Variants in STX18 observed in about 807,000 individuals in gnomAD.
STX18 encodes the protein syntaxin 18, also known as syntaxin-18.
A neutral mutation model predicts 50.1 loss-of-function variants in STX18; 40 were observed. The ratio of observed to expected loss-of-function variants is 0.80; its 90% CI spans 0.62 to 1.04. The LOEUF is 1.04. Among genes scored for constraint, STX18 ranks in the 50% least tolerant of loss-of-function variants. The probability of loss-of-function intolerance (pLI) is 0.00; values close to 1 mark genes in which losing one functional copy is unlikely to be tolerated. For missense variants in STX18, 410 were observed against 415.8 expected, an observed-to-expected ratio of 0.99 and a Z score of 0.12; for synonymous variants, 158 against 151.8, an observed-to-expected ratio of 1.04 and a Z score of -0.30.
intron 1 of STX18, 91 bp from the exon 2 acceptor site, chr4:4,471,797 C>G (rs1727933860): frequency 1.1e-6 from 1 of 949,794 alleles, no homozygotes; most frequent in Admixed American, 3.2e-5. Context: ...ATGCAAATTG[C>G]AGAAAGATTC....
intron 1 of STX18, among the ~76,000 whole-genome samples, chr4:4,511,791 T>C (rs1330939272): frequency 6.8e-6 from 1 of 147,200 alleles, no homozygotes; most frequent in Non-Finnish European, 1.5e-5. Context: ...CTCTTAAGCA[T>C]AAACTAATTC....
chr4:4,460,785 T>C (rs1727335938), intron 2 of STX18, among the ~76,000 whole-genome samples: 2 of 152,104 alleles, frequency 1.3e-5, no homozygotes, highest in Admixed American at 6.5e-5. Context: ...CATGAGAGAA[T>C]GGACTCTGTC....
At chr4:4,535,277 A>G (rs1307287691) in intron 1 of STX18, among the ~76,000 whole-genome samples, 1 of 152,164 alleles carries the variant, frequency 6.6e-6, no homozygotes, top group Non-Finnish European at 1.5e-5. Flanking sequence ...TGTTTATTGG[A>G]TGATGGTATA....
intron 1 of STX18, among the ~76,000 whole-genome samples, chr4:4,511,917 G>C (rs534016798): frequency 6.6e-6 from 1 of 152,184 alleles, no homozygotes; most frequent in East Asian, 1.9e-4. Context: ...TTTTGGGCTG[G>C]ATAATACTTT....
intron 8 of STX18, among the ~76,000 whole-genome samples, chr4:4,424,292 C>G (rs1238011073): frequency 6.6e-6 from 1 of 152,132 alleles, no homozygotes; most frequent in Non-Finnish European, 1.5e-5. Context: ...AAAGCAGCGA[C>G]AGGAAGTGAC....
At chr4:4,454,551 G>C (rs571992276) in intron 5 of STX18, among the ~76,000 whole-genome samples, 1 of 152,304 alleles carries the variant, frequency 6.6e-6, no homozygotes, top group African/African-American at 2.4e-5. Context: ...GACAAATCAC[G>C]CATCATCAGA....
intron 1 of STX18, among the ~76,000 whole-genome samples, chr4:4,498,814 T>C (rs778133199): frequency 4.6e-5 from 7 of 152,202 alleles, no homozygotes; most frequent in Non-Finnish European, 5.9e-5. Flanking sequence ...GAGAAAGATG[T>C]GGACAACGAA....
chr4:4,459,062 G>GCGCACACACACACACACACACACACA (rs71638564), intron 3 of STX18, among the ~76,000 whole-genome samples: 1 of 144,282 alleles, frequency 6.9e-6, no homozygotes, highest in Non-Finnish European at 1.5e-5. Flanking sequence ...ACACACACAC[G>GCGCACACACACACACACACACACACA]CACACACACA....
chr4:4,436,725 C>T (rs538419616), intron 6 of STX18, among the ~76,000 whole-genome samples: 1 of 152,282 alleles, frequency 6.6e-6, no homozygotes, highest in Admixed American at 6.5e-5. Flanking sequence ...GCCACAGAGG[C>T]AAGTCCAGAC....
At chr4:4,518,592 C>T (rs1447137849) in intron 1 of STX18, among the ~76,000 whole-genome samples, 4 of 152,150 alleles carry the variant, frequency 2.6e-5, no homozygotes, top group African/African-American at 9.7e-5. Context: ...ATAAACACAT[C>T]ACTACTTAAG....
intron 1 of STX18, among the ~76,000 whole-genome samples, chr4:4,495,854 A>T (rs1245178061): frequency 6.6e-6 from 1 of 152,196 alleles, no homozygotes; most frequent in Non-Finnish European, 1.5e-5. Flanking sequence ...GGAACAAGTT[A>T]AAATGCAAAA....
rs1246997884 is a variant in STX18, at chr4:4,420,752, C to T, written c.912+112G>A. ...GGTCACACAATTTTGTGATCAGCCC[C>T]GTGAGCTCTGCCCAGCAAGGCTCCT... On this transcript the variant is annotated intron_variant, in intron 10 of 10. Transcript: ENST00000306200. This position sits in a 1 kb window ranked among gnomAD's most constrained non-coding sequence, Gnocchi z 4.3. The T allele has an allele frequency of 1.1e-5, 11 of 972,100 alleles. No homozygotes were observed. Among genetic ancestry groups the T allele is most frequent in the South Asian group, 8.3e-5 (6 of 72,416 alleles). 60.2% of individuals were successfully genotyped at this position (972,100 alleles called of 1,614,324 possible). A position where few individuals can be genotyped will look rare whatever the true frequency, so the allele number is the denominator to read the frequency against.
rs532778288 is a variant in STX18 at position 4,461,589 on chromosome 4, A to C, written c.237-2102T>G. On this transcript the variant is annotated intron_variant, in intron 2 of 10. Transcript: ENST00000306200. ...TCAATTCCATGATCATACTCCACAT[A>C]AAATGTTCCTAGGAGCAGGCCAAGG... Among the ~76,000 whole-genome samples, 4 of 152,362 alleles carry C rather than the reference A, an allele frequency of 2.6e-5. No homozygotes were observed. The South Asian group carries it at 8.3e-4, about 32-fold the overall frequency.
intron 1 of STX18, among the ~76,000 whole-genome samples, chr4:4,511,180 T>C (rs1387044183): frequency 6.6e-6 from 1 of 151,988 alleles, no homozygotes; most frequent in East Asian, 1.9e-4. Context: ...ATTTAAAACA[T>C]TTAAAAAAAG....
chr4:4,505,651 T>C (rs913546469), intron 1 of STX18, among the ~76,000 whole-genome samples: 4 of 149,610 alleles, frequency 2.7e-5, no homozygotes, highest in African/African-American at 9.8e-5. Context: ...CAGCCAGGCA[T>C]GGTGGTGCAC....
intron 1 of STX18, among the ~76,000 whole-genome samples, chr4:4,523,288 T>C (rs960303421): frequency 6.6e-6 from 1 of 152,190 alleles, no homozygotes; most frequent in South Asian, 2.1e-4. Flanking sequence ...TTCTCAAATG[T>C]AGTCTTTTCC....
chr4:4,459,346 T>A, intron 3 of STX18, 26 bp downstream of exon 3: 1 of 1,555,622 alleles, frequency 6.4e-7, no homozygotes, highest in East Asian at 2.2e-5. Flanking sequence ...CATGGTTGCT[T>A]GTTTGCATCT....
At chr4:4,473,574 T>G (rs113658767) in intron 1 of STX18, among the ~76,000 whole-genome samples, 1 of 152,134 alleles carries the variant, frequency 6.6e-6, no homozygotes, top group African/African-American at 2.4e-5. Flanking sequence ...ATTATAGGCG[T>G]GAGCCACCGC....
chr4:4,427,744 G>A (rs911263991), intron 7 of STX18, among the ~76,000 whole-genome samples: 4 of 152,186 alleles, frequency 2.6e-5, no homozygotes, highest in African/African-American at 7.2e-5. Context: ...ACTTAGGTGC[G>A]GCACCTCCTC....
Sources: gnomAD v4.1 joint callset for allele counts (sites outside exome capture counted in the v4.1 genomes callset) on GRCh38, gnomAD v4.1.1 for gene constraint, Gnocchi (gnomAD v3.1) non-coding constraint, MANE v1.5 for transcripts, NCBI Gene and HGNC (gene_info 2026-07-23, HGNC 2026-07-21) for gene names.